PACS1: variants seen among roughly 807,000 people sequenced by gnomAD.
The protein encoded by PACS1 is phosphofurin acidic cluster sorting protein 1, also known as PACS-1.
A neutral mutation model predicts 115.0 loss-of-function variants in PACS1; 24 were observed. The observed-to-expected ratio is 0.21, with a 90% CI of 0.15 to 0.29. PACS1 has a LOEUF of 0.29. PACS1 is among the 10% of genes least tolerant of loss of function. The pLI is 1.00. For synonymous variants in PACS1, 453 were observed against 504.5 expected, an observed-to-expected ratio of 0.90 and a Z score of 1.37; for missense variants, 838 against 1,251.2, an observed-to-expected ratio of 0.67 and a Z score of 4.98.
chr11:66,128,911 A>C (rs1043565912), intron 1 of PACS1, among the ~76,000 whole-genome samples: 1 of 150,658 alleles, frequency 6.6e-6, no homozygotes, highest in Non-Finnish European at 1.5e-5. Flanking sequence ...TGAGTGAGAT[A>C]TCTTGACAAA....
intron 1 of PACS1, 146 bp from the exon 2 acceptor site, chr11:66,193,340 C>T: frequency 1.7e-6 from 1 of 583,540 alleles, no homozygotes; most frequent in Non-Finnish European, 3.2e-6. Flanking sequence ...AGGGGATGCT[C>T]TTCTACTGAG....
intron 1 of PACS1, among the ~76,000 whole-genome samples, chr11:66,097,273 G>T (rs1857806824): frequency 6.6e-6 from 1 of 152,062 alleles, no homozygotes; most frequent in Non-Finnish European, 1.5e-5. Flanking sequence ...GGATGTGTAT[G>T]GTCATGCATA....
intron 1 of PACS1, among the ~76,000 whole-genome samples, chr11:66,071,159 C>G (rs771884812): frequency 6.6e-6 from 1 of 152,170 alleles, no homozygotes; most frequent in Non-Finnish European, 1.5e-5. Context: ...GTAAGTCACT[C>G]TCCTGCCTCG....
intron 7 of PACS1, 133 bp downstream of exon 7, chr11:66,216,908 C>A (rs567208729): frequency 1.5e-6 from 1 of 646,222 alleles, no homozygotes; most frequent in Admixed American, 2.3e-5. Context: ...TTCCAATGAA[C>A]GCTCTATATC....
intron 1 of PACS1, chr11:66,120,918 GCCCTGTGCTT>G: frequency 2.3e-6 from 1 of 435,396 alleles, no homozygotes; most frequent in Non-Finnish European, 4.7e-6. Flanking sequence ...CCTTGCCCCA[GCCCTGTGCTT>G]CCACAGGGCC....
chr11:66,195,404 C>T (rs781161344), intron 2 of PACS1, among the ~76,000 whole-genome samples: 1 of 152,120 alleles, frequency 6.6e-6, no homozygotes, highest in South Asian at 2.1e-4. Context: ...CCTCCTCTCC[C>T]GATTTTGGTC....
In PACS1 at chr11:66,165,975, C is replaced by T. The variant is rs563197194; in HGVS notation, c.357-27511C>T. ...CTCCTAACTGGTTTTCCTGTTTCCA[C>T]TCTCCCCTTTCTTTGTCCATTATTC... is the stretch of plus-strand genomic sequence containing the variant. On this transcript the variant is annotated intron_variant, in intron 1 of 23. Coordinates refer to ENST00000320580, the MANE Select transcript of PACS1 (RefSeq NM_018026.4). 2.0e-5 allele frequency among the ~76,000 whole-genome samples: 3 copies of T among 152,234 alleles called. No homozygotes were observed. The South Asian group carries it at 6.2e-4, about 32-fold the overall frequency.
Position 66,134,322 on chromosome 11 carries a change from A to G in PACS1, c.357-59164A>G, listed in dbSNP as rs2134582919. Among the ~76,000 whole-genome samples, 4 of 113,162 alleles carry G rather than the reference A, an allele frequency of 3.5e-5. No homozygotes were observed. In the East Asian group the frequency reaches 1.1e-3, roughly 32 times the overall value. The allele number at this position is 113,162 out of a possible 152,430, so 74.2% of individuals were successfully genotyped here. A position where few individuals can be genotyped will look rare whatever the true frequency, so the allele number is the denominator to read the frequency against. ...TGTCCCCCAAGCTGGAGTGCAGTGG[A>G]GCAATCTCGCTCGGCTCACTGCAAC... On this transcript the variant is annotated intron_variant, in intron 1 of 23. Coordinates refer to ENST00000320580, the MANE Select transcript of PACS1 (RefSeq NM_018026.4).
At chr11:66,155,852 C>T (rs747899152) in intron 1 of PACS1, among the ~76,000 whole-genome samples, 14 of 152,066 alleles carry the variant, frequency 9.2e-5, no homozygotes, top group African/African-American at 9.7e-5. Context: ...GATGAACAAA[C>T]TGTGCTGTCC....
intron 1 of PACS1, among the ~76,000 whole-genome samples, chr11:66,169,043 G>C (rs947464955): frequency 1.3e-5 from 2 of 149,888 alleles, no homozygotes; most frequent in Non-Finnish European, 2.9e-5. Context: ...GCTTTTAGCT[G>C]AACAGCCTTC....
At chr11:66,174,340 A>C (rs1472448799) in intron 1 of PACS1, among the ~76,000 whole-genome samples, 1 of 70,916 alleles carries the variant, frequency 1.4e-5, no homozygotes, top group Non-Finnish European at 2.8e-5. Context: ...AAAATGGCAT[A>C]GCCACTTTGG....
intron 1 of PACS1, among the ~76,000 whole-genome samples, chr11:66,144,648 T>A (rs1859077904): frequency 6.6e-6 from 1 of 152,230 alleles, no homozygotes; most frequent in African/African-American, 2.4e-5. Context: ...TTCTTTTTTT[T>A]CTTTGAGATG....
intron 1 of PACS1, among the ~76,000 whole-genome samples, chr11:66,142,641 AG>A (rs950303239): frequency 2.0e-5 from 3 of 150,490 alleles, no homozygotes; most frequent in Non-Finnish European, 4.4e-5. Context: ...AAAAAAAAAA[AG>A]AGGAAGGAGA....
intron 4 of PACS1, among the ~76,000 whole-genome samples, chr11:66,211,585 T>G (rs1446878950): frequency 2.0e-5 from 3 of 152,260 alleles, no homozygotes; most frequent in Non-Finnish European, 4.4e-5. Flanking sequence ...TCACCACATT[T>G]CATATGCTCT....
chr11:66,234,443 C>T (rs1855666856), intron 17 of PACS1, among the ~76,000 whole-genome samples: 1 of 152,234 alleles, frequency 6.6e-6, no homozygotes, highest in Non-Finnish European at 1.5e-5. Context: ...AGTTTTCATC[C>T]TCTGCTATTT....
At chr11:66,090,005 C>CAAAAAAAAAA (rs33912143) in intron 1 of PACS1, among the ~76,000 whole-genome samples, 3 of 80,576 alleles carry the variant, frequency 3.7e-5, no homozygotes, top group Admixed American at 1.7e-4. Context: ...GACTCCATCT[C>CAAAAAAAAAA]AAAAAAAAAA....
chr11:66,197,171 T>C (rs1854669246), intron 2 of PACS1, among the ~76,000 whole-genome samples: 1 of 152,186 alleles, frequency 6.6e-6, no homozygotes, highest in Non-Finnish European at 1.5e-5. Flanking sequence ...AAAATACTTT[T>C]AAATGTATCC....
At chr11:66,090,274 T>TC (rs1267142044) in intron 1 of PACS1, among the ~76,000 whole-genome samples, 4 of 144,332 alleles carry the variant, frequency 2.8e-5, no homozygotes, top group East Asian at 4.0e-4. Context: ...TTCCTTTCTT[T>TC]TTTTTTTTTT....
chr11:66,243,043 G>A lies in PACS1; in HGVS notation c.2776+12G>A. 4.3e-6 allele frequency: 7 copies of A among 1,613,854 alleles called. No homozygotes were observed. The highest frequency in any genetic ancestry group is 5.9e-6 in the Non-Finnish European group (7 of 1,179,844). On this transcript the variant is annotated intron_variant, in intron 23 of 23. Transcript: ENST00000320580. ...GACTATGCTGAGAGGTGCGAGGGCA[G>A]GCAGGGCCGGGAGGAGGGCAAGAAA...
Sources: allele counts gnomAD v4.1 joint callset (sites outside exome capture counted in the v4.1 genomes callset), GRCh38; gene constraint gnomAD v4.1.1; transcripts MANE v1.5; gene names NCBI Gene and HGNC (gene_info 2026-07-23, HGNC 2026-07-21).